HABP2: variants seen among roughly 807,000 people sequenced by gnomAD.
HABP2 encodes hyaluronan binding protein 2.
A neutral mutation model predicts 66.5 loss-of-function variants in HABP2; 65 were observed. The ratio of observed to expected loss-of-function variants is 0.98; its 90% CI spans 0.80 to 1.20. HABP2 has a LOEUF of 1.20. Ranked by LOEUF, HABP2 falls within the 50% of genes most tolerant of loss-of-function variation. HABP2 has a pLI of 0.00. For synonymous variants in HABP2, 263 were observed against 253.9 expected (o/e 1.04, Z -0.34); for missense variants, 786 against 691.0 (o/e 1.14, Z -1.54).
chr10:113,551,388 C>T (rs1473732996), upstream of HABP2, among the ~76,000 whole-genome samples: 1 of 152,186 alleles, frequency 6.6e-6, no homozygotes, highest in African/African-American at 2.4e-5. Context: ...ATGAAAGATG[C>T]ATTAACTAGG....
intron 12 of HABP2, among the ~76,000 whole-genome samples, chr10:113,587,191 A>C (rs1476377052): frequency 6.6e-6 from 1 of 152,184 alleles, no homozygotes; most frequent in Non-Finnish European, 1.5e-5. Flanking sequence ...ATGGTGGCAC[A>C]TGCCTGTAGT....
At chr10:113,584,399 C>A in intron 11 of HABP2, 117 bp downstream of exon 11, 4 of 827,448 alleles carry the variant, frequency 4.8e-6, no homozygotes, top group Non-Finnish European at 7.9e-6. Context: ...AATGCATCAA[C>A]CAAAGAAAGC....
Position 113,577,239 on chromosome 10 carries a change from C to G in HABP2, c.421C>G (p.Pro141Ala). ...PPYYRCVCKH[P>A]YTGPSCSQVV... ...CTACTACCGCTGTGTCTGTAAACAC[C>G]CTTACACAGGTCCCAGCTGCTCCCA... The change falls in exon 5 of 13, where the codon CCT becomes GCT. Residue 141 changes from proline (P) to alanine (A), a missense_variant. Transcript: ENST00000351270. 2 of 1,604,760 alleles carry G rather than the reference C, an allele frequency of 1.2e-6. No individual in the cohort carries two copies. Among genetic ancestry groups the G allele is most frequent in the Non-Finnish European group, 1.7e-6 (2 of 1,171,452 alleles).
At chr10:113,559,378 G>T (rs1182198799) in intron 1 of HABP2, among the ~76,000 whole-genome samples, 1 of 152,218 alleles carries the variant, frequency 6.6e-6, no homozygotes, top group Non-Finnish European at 1.5e-5. Flanking sequence ...AGCAGCCAAA[G>T]TTCCTTGAAT....
intron 8 of HABP2, 134 bp downstream of exon 8, chr10:113,580,826 C>T (rs1012176589): frequency 3.3e-6 from 2 of 606,910 alleles, no homozygotes; most frequent in Admixed American, 5.5e-5. Flanking sequence ...ATCCCAGTGC[C>T]AGCCCAACTG....
At chr10:113,583,827 C>G (rs2240877) in intron 10 of HABP2, among the ~76,000 whole-genome samples, 20 of 152,136 alleles carry the variant, frequency 1.3e-4, no homozygotes, top group African/African-American at 4.8e-4. Context: ...TTCTGTATCC[C>G]GTTTCCCTTT....
rs765927856 is a variant in HABP2 at position 113,588,376 on chromosome 10, G to A, written c.*7G>A. ...AAGTGAAAGTGGCTTCTAAGGTACTGTCTTCTGGACCTCAGAGCCCACTCT... is the reference window on the plus strand; with the variant it reads ...AAGTGAAAGTGGCTTCTAAGGTACTATCTTCTGGACCTCAGAGCCCACTCT... On this transcript the variant is annotated 3_prime_UTR_variant, in exon 13 of 13. Transcript: ENST00000351270. 83 of 1,607,074 alleles carry A rather than the reference G, an allele frequency of 5.2e-5. No individual in the cohort carries two copies. Among genetic ancestry groups the A allele is most frequent in the Non-Finnish European group, 6.9e-5 (81 of 1,176,250 alleles).
At chr10:113,551,463 A>T (rs1844897945), upstream of HABP2, among the ~76,000 whole-genome samples, 1 of 152,182 alleles carries the variant, frequency 6.6e-6, no homozygotes, top group African/African-American at 2.4e-5. Context: ...TATGGTTGTC[A>T]TAAGGATTAG....
intron 1 of HABP2, among the ~76,000 whole-genome samples, chr10:113,556,804 C>CTTTT (rs66685949): frequency 9.9e-4 from 104 of 105,080 alleles, no homozygotes; most frequent in African/African-American, 1.4e-3. Context: ...TTCTTTTATT[C>CTTTT]TTTTTTTTTT....
At chr10:113,570,615 G>A (rs1038203066) in intron 2 of HABP2, among the ~76,000 whole-genome samples, 1 of 152,214 alleles carries the variant, frequency 6.6e-6, no homozygotes, top group Non-Finnish European at 1.5e-5. Flanking sequence ...ATATGTGGAC[G>A]AGTTTCTAGA....
intron 8 of HABP2, among the ~76,000 whole-genome samples, chr10:113,581,235 T>G (rs1845523685): frequency 6.6e-6 from 1 of 152,238 alleles, no homozygotes; most frequent in Non-Finnish European, 1.5e-5. Context: ...ATATCTGTTC[T>G]TGTCCATATA....
chr10:113,561,615 T>C (rs1022711395), intron 1 of HABP2, among the ~76,000 whole-genome samples: 2 of 152,078 alleles, frequency 1.3e-5, no homozygotes, highest in Non-Finnish European at 2.9e-5. Context: ...CCCAACCTTT[T>C]ATCCAGCAAG....
At chr10:113,577,621 G>C (rs1291700132) in intron 5 of HABP2, among the ~76,000 whole-genome samples, 1 of 152,208 alleles carries the variant, frequency 6.6e-6, no homozygotes, top group Non-Finnish European at 1.5e-5. Context: ...TTTCTCCAAA[G>C]ACACCTCAAG....
At chr10:113,577,362 G>A in intron 5 of HABP2, 96 bp downstream of exon 5, 1 of 729,802 alleles carries the variant, frequency 1.4e-6, no homozygotes, top group Admixed American at 2.0e-5. Context: ...TGATGTTTTT[G>A]TGGCAGGCAC....
At position 113,574,353 on chromosome 10, in the gene HABP2, C is replaced by A; in HGVS notation, c.171C>A (p.Ser57Arg). Reference sequence around the variant, plus strand: ...ATAATCAGGAAGAGAACACCAGTAGCACACTTACCCACGCTGAGAATCCTG... The same window carrying A: ...ATAATCAGGAAGAGAACACCAGTAGAACACTTACCCACGCTGAGAATCCTG... The part of the protein sequence containing the change: ...EDYNQEENTS[S>R]TLTHAENPDW... Residue 57 changes from serine to arginine, a missense_variant, in exon 3 of 13, where the codon AGC (serine) becomes AGA (arginine). Coordinates refer to ENST00000351270, the MANE Select transcript of HABP2 (RefSeq NM_004132.5). 6.2e-7 allele frequency: 1 copy of A among 1,607,410 alleles called. No individual in the cohort carries two copies. The highest frequency in any genetic ancestry group is 1.3e-5 in the African/African-American group (1 of 74,976).
At chr10:113,554,400 G>A (rs1046827596) in intron 1 of HABP2, among the ~76,000 whole-genome samples, 3 of 152,320 alleles carry the variant, frequency 2.0e-5, no homozygotes, top group Admixed American at 1.3e-4. Context: ...TTTCTGATTA[G>A]CATGTTTTTA....
rs960031189 is a variant in HABP2, at chr10:113,576,621, C to A, written c.332-529C>A. 2.6e-5 allele frequency among the ~76,000 whole-genome samples: 4 copies of A among 152,202 alleles called. 1 individual carries two copies. Among genetic ancestry groups the A allele is most frequent in the Admixed American group, 1.3e-4 (2 of 15,288 alleles). Reference sequence around the variant, plus strand: ...AGAGAAAAGCTGTATTCGGGCTGCTCTAGCAACCATCTTACTTCGTGGAGG... The same window carrying A: ...AGAGAAAAGCTGTATTCGGGCTGCTATAGCAACCATCTTACTTCGTGGAGG... On this transcript the variant is annotated intron_variant, in intron 4 of 12. Coordinates refer to ENST00000351270, the MANE Select transcript of HABP2 (RefSeq NM_004132.5).
At position 113,585,812 on chromosome 10, in the gene HABP2, C is replaced by G; in HGVS notation, c.1392C>G (p.Leu464=). ...VTETGKGSRQ[L]LDAKVKLIAN... The stretch of plus-strand genomic sequence containing the variant: ...CCACAGGAAAAGGGTCCCGCCAGCT[C>G]CTGGATGCCAAAGTCAAGCTGATTG... The change falls in exon 12 of 13, where the codon CTC becomes CTG. Residue 464 remains leucine, a synonymous_variant. Coordinates refer to ENST00000351270, the MANE Select transcript of HABP2 (RefSeq NM_004132.5). 1 of 1,613,902 alleles carries G rather than the reference C, an allele frequency of 6.2e-7. No homozygotes were observed. The highest frequency in any genetic ancestry group is 2.2e-5 in the East Asian group (1 of 44,888).
At chr10:113,579,750 A>AT (rs1187824013) in intron 7 of HABP2, among the ~76,000 whole-genome samples, 1 of 143,604 alleles carries the variant, frequency 7.0e-6, no homozygotes. Flanking sequence ...ATAAATGAGG[A>AT]TTTTTTCTTG....
Sources: allele counts gnomAD v4.1 joint callset (sites outside exome capture counted in the v4.1 genomes callset), GRCh38; gene constraint gnomAD v4.1.1; transcripts MANE v1.5; gene names NCBI Gene and HGNC (gene_info 2026-07-23, HGNC 2026-07-21).